The following GCNT2 variants were observed in gnomAD, a reference collection of about 807,000 sequenced individuals.
GCNT2 encodes the protein glucosaminyl (N-acetyl) transferase 2 (I blood group), also known as N-acetyllactosaminide beta-1,6-N-acetylglucosaminyl-transferase.
GCNT2 carries 34 observed loss-of-function variants against 34.2 expected under a neutral mutation model. The observed-to-expected ratio is 1.00, with a 90% CI of 0.76 to 1.32. GCNT2 has a LOEUF of 1.32. Ranked by LOEUF, GCNT2 falls within the 40% of genes most tolerant of loss-of-function variation. The pLI, the probability that GCNT2 is intolerant of heterozygous loss-of-function variation, is 0.00. For missense variants in GCNT2, 584 were observed against 489.4 expected (o/e 1.19, Z -1.82); for synonymous variants, 212 against 188.0 (o/e 1.13, Z -1.04).
At chr6:10,620,710 A>T (rs552585811) in intron 3 of GCNT2, among the ~76,000 whole-genome samples, 127 of 152,192 alleles carry the variant, frequency 8.3e-4, no homozygotes, top group Non-Finnish European at 1.5e-3. Flanking sequence ...TTTATATATT[A>T]TAATCTTGGA....
At chr6:10,575,956 T>A (rs1328836496) in intron 3 of GCNT2, among the ~76,000 whole-genome samples, 1 of 152,028 alleles carries the variant, frequency 6.6e-6, no homozygotes, top group African/African-American at 2.4e-5. Context: ...CTTTGCTGAC[T>A]CTCTTTTCAG....
At chr6:10,604,854 G>A (rs1474616380) in intron 3 of GCNT2, among the ~76,000 whole-genome samples, 1 of 128,680 alleles carries the variant, frequency 7.8e-6, no homozygotes. Context: ...GTGAGACCTT[G>A]TCTCAAAAAA....
At chr6:10,571,820 G>T (rs1763566233) in intron 3 of GCNT2, among the ~76,000 whole-genome samples, 1 of 152,168 alleles carries the variant, frequency 6.6e-6, no homozygotes, top group Non-Finnish European at 1.5e-5. Flanking sequence ...CCATGCCTCA[G>T]TGGTTCACGG....
At position 10,523,065 on chromosome 6, in the gene GCNT2, AGCT is replaced by A. The variant is rs1413722056; in HGVS notation, c.-469+1652_-469+1654del. ...AGGCCTCGACTCCGCCTAGTAACTG[AGCT>A]GCTATTTAACTTTGCTCAGTCTTGC... On this transcript the variant is annotated intron_variant, in intron 1 of 4. Coordinates refer to ENST00000495262, the MANE Select transcript of GCNT2 (RefSeq NM_145649.5). Among the ~76,000 whole-genome samples, 35 of 152,312 alleles carry A rather than the reference AGCT, an allele frequency of 2.3e-4. No homozygotes were observed. In the East Asian group the frequency reaches 6.2e-3, roughly 27 times the overall value.
At chr6:10,536,609 C>T (rs1231470656) in intron 3 of GCNT2, among the ~76,000 whole-genome samples, 18 of 151,418 alleles carry the variant, frequency 1.2e-4, no homozygotes, top group Admixed American at 1.2e-3. Flanking sequence ...CCACCTCAGC[C>T]TCCAAAAGTG....
rs371388533 is a variant in GCNT2 at position 10,530,254 on chromosome 6, A to G, written c.925+418A>G. ...GTGGTGCATGCCTGCAATCCCAGCT[A>G]CTGGAGAGGCTGAGGCAGGAGAATC... On this transcript the variant is annotated intron_variant, in intron 3 of 4. Coordinates refer to ENST00000495262, the MANE Select transcript of GCNT2 (RefSeq NM_145649.5). 1.3e-3 allele frequency: 221 copies of G among 176,502 alleles called. 3 individuals are homozygous for G. The South Asian group carries it at 0.025, about 20-fold the overall frequency. The allele number at this position is 176,502 out of a possible 1,614,324, so 10.9% of individuals were successfully genotyped here. A position where few individuals can be genotyped will look rare whatever the true frequency, so the allele number is the denominator to read the frequency against.
At chr6:10,588,659 G>C (rs1311724889) in intron 3 of GCNT2, among the ~76,000 whole-genome samples, 1 of 152,180 alleles carries the variant, frequency 6.6e-6, no homozygotes, top group East Asian at 1.9e-4. Context: ...GAGGAGGGCT[G>C]TGGAAGGAAG....
chr6:10,545,735 A>G (rs967710699), intron 3 of GCNT2, among the ~76,000 whole-genome samples: 2 of 152,142 alleles, frequency 1.3e-5, no homozygotes, highest in African/African-American at 4.8e-5. Context: ...AAGTGTCTTC[A>G]GCTTTGTGAA....
chr6:10,594,027 G>T (rs13204330), intron 3 of GCNT2, among the ~76,000 whole-genome samples: 1 of 152,144 alleles, frequency 6.6e-6, no homozygotes, highest in Non-Finnish European at 1.5e-5. Flanking sequence ...CAGAGAAGTT[G>T]TGAGTATTAA....
At chr6:10,600,938 A>G (rs1458156259) in intron 3 of GCNT2, among the ~76,000 whole-genome samples, 1 of 151,952 alleles carries the variant, frequency 6.6e-6, no homozygotes, top group Admixed American at 6.6e-5. Context: ...CTACAGGCGC[A>G]TGCCACCACA....
intron 3 of GCNT2, among the ~76,000 whole-genome samples, chr6:10,601,865 C>T (rs1004602579): frequency 2.7e-5 from 4 of 150,356 alleles, no homozygotes; most frequent in East Asian, 2.0e-4. Context: ...GGCGTGAACC[C>T]GAGAGGCGGA....
At chr6:10,540,840 C>A (rs980794425) in intron 3 of GCNT2, among the ~76,000 whole-genome samples, 3 of 152,132 alleles carry the variant, frequency 2.0e-5, no homozygotes, top group Admixed American at 1.3e-4. Flanking sequence ...CCCATCACTT[C>A]CACCAACTTT....
At chr6:10,523,172 A>G (rs920817625) in intron 1 of GCNT2, among the ~76,000 whole-genome samples, 5 of 152,172 alleles carry the variant, frequency 3.3e-5, no homozygotes, top group African/African-American at 4.8e-5. Flanking sequence ...CTGTAATCCC[A>G]GCACTTTGGG....
In GCNT2 at chr6:10,539,180, C is replaced by CTTTTTTTTTTTT. The variant is rs71548847; in HGVS notation, c.925+9359_925+9370dup. Reference sequence around the variant, plus strand: ...AGCCTATCTCTACAGCTCACCGTCTCTTTTTTTTTTTTTTTTTTTTTTTTT... The same window carrying CTTTTTTTTTTTT: ...AGCCTATCTCTACAGCTCACCGTCTCTTTTTTTTTTTTTTTTTTTTTTTTTTTTTTTTTTTTT... On this transcript the variant is annotated intron_variant, in intron 3 of 4. Coordinates refer to ENST00000495262, the MANE Select transcript of GCNT2 (RefSeq NM_145649.5). Among the ~76,000 whole-genome samples the CTTTTTTTTTTTT allele has an allele frequency of 4.6e-3, 303 of 65,320 alleles. 58 individuals carry two copies. Among genetic ancestry groups the CTTTTTTTTTTTT allele is most frequent in the Middle Eastern group, 0.037 (3 of 82 alleles). 42.9% of individuals were successfully genotyped at this position (65,320 alleles called of 152,430 possible). A position where few individuals can be genotyped will look rare whatever the true frequency, so the allele number is the denominator to read the frequency against.
At chr6:10,554,625 G>C (rs990260626) in intron 3 of GCNT2, among the ~76,000 whole-genome samples, 2 of 152,096 alleles carry the variant, frequency 1.3e-5, no homozygotes, top group Admixed American at 6.5e-5. Context: ...CTTTTGTTTA[G>C]GAGTAGAATA....
chr6:10,553,341 C>T (rs1257073814), intron 3 of GCNT2, among the ~76,000 whole-genome samples: 12 of 152,316 alleles, frequency 7.9e-5, no homozygotes, highest in Admixed American at 3.3e-4. Context: ...TTTTCCACCT[C>T]CTTCACTAGT....
chr6:10,537,463 G>A (rs1227335188), intron 3 of GCNT2, among the ~76,000 whole-genome samples: 1 of 152,096 alleles, frequency 6.6e-6, no homozygotes, highest in Non-Finnish European at 1.5e-5. Context: ...CACTTTGGGA[G>A]GCCGAGGCAG....
intron 3 of GCNT2, among the ~76,000 whole-genome samples, chr6:10,611,804 AAGCTT>A (rs1765568889): frequency 6.6e-6 from 1 of 152,204 alleles, no homozygotes; most frequent in Non-Finnish European, 1.5e-5. Context: ...GAAGCAAATA[AAGCTT>A]AGATGTATAT....
chr6:10,566,540 T>G (rs1235083133), intron 3 of GCNT2, among the ~76,000 whole-genome samples: 1 of 152,194 alleles, frequency 6.6e-6, no homozygotes, highest in Non-Finnish European at 1.5e-5. Context: ...GTGATCCTCC[T>G]GCCTTGGCCT....
Sources: gnomAD v4.1 joint callset for allele counts (sites outside exome capture counted in the v4.1 genomes callset) on GRCh38, gnomAD v4.1.1 for gene constraint, MANE v1.5 for transcripts, NCBI Gene and HGNC (gene_info 2026-07-23, HGNC 2026-07-21) for gene names.